C4BPA: variants seen among roughly 807,000 people sequenced by gnomAD.
C4BPA encodes C4b-binding protein alpha chain.
A neutral mutation model predicts 63.7 loss-of-function variants in C4BPA; 31 were observed. That is an observed-to-expected ratio of 0.49 (90% CI 0.37 to 0.66). The LOEUF (loss-of-function observed/expected upper bound fraction) is 0.66, where lower values mean the gene tolerates loss of function less well. Ranked by LOEUF, C4BPA falls within the 30% of genes least tolerant of loss-of-function variation. The probability of loss-of-function intolerance (pLI) is 0.00; values close to 1 mark genes in which losing one functional copy is unlikely to be tolerated. For synonymous variants in C4BPA, 259 were observed against 254.7 expected, an observed-to-expected ratio of 1.02 and a Z score of -0.16; for missense variants, 572 against 723.3, an observed-to-expected ratio of 0.79 and a Z score of 2.40.
At chr1:207,115,268 A>T in intron 3 of C4BPA, 148 bp from the exon 4 acceptor site, 2 of 520,312 alleles carry the variant, frequency 3.8e-6, no homozygotes, top group South Asian at 4.5e-5. Context: ...ATTAATTTTG[A>T]GGTGAGTCAG....
intron 1 of C4BPA, among the ~76,000 whole-genome samples, chr1:207,109,302 C>T (rs1268873633): frequency 6.6e-6 from 1 of 152,172 alleles, no homozygotes; most frequent in Non-Finnish European, 1.5e-5. Flanking sequence ...ATTATGATGA[C>T]AATGTTTTGA....
chr1:207,127,975 C>T (rs551477303), intron 7 of C4BPA, among the ~76,000 whole-genome samples: 7 of 152,208 alleles, frequency 4.6e-5, no homozygotes, highest in African/African-American at 1.4e-4. Context: ...CTGTGGAAGT[C>T]GAATATTGAA....
chr1:207,121,664 T>C (rs1256878496), intron 4 of C4BPA, among the ~76,000 whole-genome samples: 1 of 152,086 alleles, frequency 6.6e-6, no homozygotes, highest in Admixed American at 6.5e-5. Flanking sequence ...TATGTGTATA[T>C]TTATTTTCTA....
chr1:207,112,353 T>G (rs976016465), intron 1 of C4BPA, among the ~76,000 whole-genome samples: 4 of 126,484 alleles, frequency 3.2e-5, no homozygotes, highest in Non-Finnish European at 6.7e-5. Flanking sequence ...CCTTTTTGTT[T>G]TTTTTTTTTT....
chr1:207,105,885 A>G (rs1024486678), intron 1 of C4BPA, among the ~76,000 whole-genome samples: 2 of 152,234 alleles, frequency 1.3e-5, no homozygotes, highest in African/African-American at 4.8e-5. Context: ...CGCCATGCTG[A>G]CTAAAGTTCT....
chr1:207,128,401 G>C (rs1685091341), intron 7 of C4BPA, among the ~76,000 whole-genome samples: 1 of 152,180 alleles, frequency 6.6e-6, no homozygotes, highest in Non-Finnish European at 1.5e-5. Context: ...CTGATCTATA[G>C]GACAGACATT....
chr1:207,105,207 A>C (rs1684533450), intron 1 of C4BPA, among the ~76,000 whole-genome samples: 1 of 152,200 alleles, frequency 6.6e-6, no homozygotes, highest in Non-Finnish European at 1.5e-5. Context: ...GTTGGCATTA[A>C]GCTTAGAGAT....
Position 207,126,835 on chromosome 1 carries a change from A to C in C4BPA, c.829A>C (p.Ser277Arg), listed in dbSNP as rs777769501. 5 of 1,613,532 alleles carry C rather than the reference A, an allele frequency of 3.1e-6. No homozygotes were observed. The highest frequency in any genetic ancestry group is 4.2e-6 in the Non-Finnish European group (5 of 1,179,644). The change falls in exon 7 of 12, where the codon AGT (serine) becomes CGT (arginine). Residue 277 changes from serine to arginine, a missense_variant. Ser to Arg is a moderately radical substitution (Grantham distance 110). Around this residue, in one of 2 missense-constraint regions of C4BPA, gnomAD observed 465 missense variants for 629.4 expected, o/e 0.74. Coordinates refer to ENST00000367070, the MANE Select transcript of C4BPA (RefSeq NM_000715.4). Reference protein sequence around the residue: ...CQKGFVLRGSSVIHCDADSKW... With the variant: ...CQKGFVLRGSRVIHCDADSKW... ...AAAAGGTTTTGTTCTCAGAGGCAGCAGTGTAATTCATTGTGATGCTGATAG... is the reference window on the plus strand; with the variant it reads ...AAAAGGTTTTGTTCTCAGAGGCAGCCGTGTAATTCATTGTGATGCTGATAG...
At chr1:207,116,925 C>T (rs963152545) in intron 4 of C4BPA, among the ~76,000 whole-genome samples, 10 of 152,114 alleles carry the variant, frequency 6.6e-5, no homozygotes, top group Non-Finnish European at 1.5e-4. Context: ...ATATACTTAT[C>T]TAGGTCTATT....
intron 7 of C4BPA, among the ~76,000 whole-genome samples, chr1:207,129,303 T>C (rs1460331316): frequency 6.6e-6 from 1 of 151,222 alleles, no homozygotes; most frequent in Non-Finnish European, 1.5e-5. Flanking sequence ...TGGGACACCA[T>C]TAAGTGTACC....
At chr1:207,107,235 A>G (rs1684579102) in intron 1 of C4BPA, among the ~76,000 whole-genome samples, 1 of 152,184 alleles carries the variant, frequency 6.6e-6, no homozygotes, top group African/African-American at 2.4e-5. Context: ...ATTAACTGCA[A>G]ATGCTTGCAG....
At position 207,123,974 on chromosome 1, in the gene C4BPA, G is replaced by A; in HGVS notation, c.481G>A (p.Val161Ile). 6.2e-7 allele frequency: 1 copy of A among 1,611,580 alleles called. No homozygotes were observed. The highest frequency in any genetic ancestry group is 8.5e-7 in the Non-Finnish European group (1 of 1,178,448). Residue 161 changes from valine to isoleucine, a missense_variant, in exon 5 of 12, where the codon GTT (valine) becomes ATT (isoleucine). Transcript: ENST00000367070. ...TCGTTGTGAAGTCCAAGATAGAGGA[G>A]TTGGCTGGAGTCATCCTCTCCCACA... is the stretch of plus-strand genomic sequence containing the variant. The part of the protein sequence containing the change: ...TSRCEVQDRG[V>I]GWSHPLPQCE...
In C4BPA at chr1:207,113,004, A is replaced by T. The variant is rs750737892; in HGVS notation, c.-22A>T. ...TTAAATTGAGTTCTTTCAGCAGAAA[A>T]ACATCAGCGAAGCAGCAGGCCATGC... On this transcript the variant is annotated 5_prime_UTR_variant, in exon 2 of 12. Coordinates refer to ENST00000367070, the MANE Select transcript of C4BPA (RefSeq NM_000715.4). The T allele has an allele frequency of 1.9e-6, 3 of 1,554,896 alleles. No individual in the cohort carries two copies. The South Asian group carries it at 3.7e-5, about 19-fold the overall frequency.
chr1:207,125,138 C>T (rs1031288450), intron 6 of C4BPA, among the ~76,000 whole-genome samples: 6 of 152,230 alleles, frequency 3.9e-5, no homozygotes, highest in Non-Finnish European at 5.9e-5. Context: ...CACAATCAGA[C>T]GAGGGGCACA....
At chr1:207,124,466 G>A in intron 6 of C4BPA, 100 bp downstream of exon 6, 1 of 855,832 alleles carries the variant, frequency 1.2e-6, no homozygotes, top group East Asian at 2.5e-5. Context: ...AAAATTCAAA[G>A]ATAAACTAAC....
intron 1 of C4BPA, among the ~76,000 whole-genome samples, chr1:207,105,883 T>C (rs1009881018): frequency 1.3e-5 from 2 of 152,262 alleles, no homozygotes; most frequent in African/African-American, 4.8e-5. Context: ...CCCGCCATGC[T>C]GACTAAAGTT....
intron 9 of C4BPA, among the ~76,000 whole-genome samples, chr1:207,136,364 T>A (rs1685279518): frequency 2.0e-5 from 3 of 152,338 alleles, no homozygotes; most frequent in Admixed American, 2.0e-4. Flanking sequence ...CTACTGGGGA[T>A]GCTCTGGTGT....
At chr1:207,122,154 A>C (rs909661579) in intron 4 of C4BPA, among the ~76,000 whole-genome samples, 1 of 152,132 alleles carries the variant, frequency 6.6e-6, no homozygotes, top group Non-Finnish European at 1.5e-5. Context: ...TATTTTGGCT[A>C]AAGTTGCCAT....
intron 11 of C4BPA, 77 bp downstream of exon 11, chr1:207,144,070 T>A: frequency 9.9e-7 from 1 of 1,005,352 alleles, no homozygotes; most frequent in Non-Finnish European, 1.4e-6. Context: ...TCTGTACCAC[T>A]CAACAATGGT....
Sources: gnomAD v4.1 joint callset for allele counts (sites outside exome capture counted in the v4.1 genomes callset) on GRCh38, gnomAD v4.1.1 for gene constraint, gnomAD v4.1.1 regional missense constraint, MANE v1.5 for transcripts, NCBI Gene and HGNC (gene_info 2026-07-23, HGNC 2026-07-21) for gene names.